Variants in TNFRSF1B observed in about 807,000 individuals in gnomAD.
TNFRSF1B encodes tumor necrosis factor receptor superfamily member 1B.
In TNFRSF1B, 19 loss-of-function variants were observed where a neutral mutation model predicts 44.6. The observed-to-expected ratio is 0.43, with a 90% CI of 0.30 to 0.62. The LOEUF (loss-of-function observed/expected upper bound fraction) is 0.62. TNFRSF1B is among the 20% of genes least tolerant of loss of function. TNFRSF1B has a pLI of 0.16. For missense variants in TNFRSF1B, 541 were observed against 619.9 expected (o/e 0.87, Z 1.35); for synonymous variants, 252 against 261.1 (o/e 0.97, Z 0.34).
intron 9 of TNFRSF1B, among the ~76,000 whole-genome samples, chr1:12,203,989 C>T (rs976363977): frequency 6.6e-6 from 1 of 152,212 alleles, no homozygotes; most frequent in African/African-American, 2.4e-5. Context: ...CTCGGCCTCC[C>T]GAAGGGCTGG....
intron 1 of TNFRSF1B, among the ~76,000 whole-genome samples, chr1:12,182,457 A>G (rs185653728): frequency 7.2e-5 from 11 of 152,292 alleles, no homozygotes; most frequent in East Asian, 3.9e-4. Context: ...TTGAACGTGC[A>G]TGTGTCTCCC....
chr1:12,176,326 G>A (rs1012315086), intron 1 of TNFRSF1B, among the ~76,000 whole-genome samples: 8 of 152,258 alleles, frequency 5.3e-5, no homozygotes, highest in African/African-American at 1.9e-4. Flanking sequence ...AGTGACAGCA[G>A]CACACGAGGC....
chr1:12,167,068 G>C lies in TNFRSF1B; in HGVS notation c.-24G>C. ...AGGGCGCGAGGGCGCGAGGGCAGGG[G>C]GCAACCGGACCCCGCCCGCACCCAT... On this transcript the variant is annotated 5_prime_UTR_variant, in exon 1 of 10. Coordinates refer to ENST00000376259, the MANE Select transcript of TNFRSF1B (RefSeq NM_001066.3). 7.8e-7 allele frequency: 1 copy of C among 1,290,060 alleles called. No individual in the cohort carries two copies. The allele number at this position is 1,290,060 out of a possible 1,614,324, so 79.9% of individuals were successfully genotyped here.
Position 12,186,124 on chromosome 1 carries a change from G to A in TNFRSF1B, c.79-2672G>A, listed in dbSNP as rs17883216. On this transcript the variant is annotated intron_variant, in intron 1 of 9. Coordinates refer to ENST00000376259, the MANE Select transcript of TNFRSF1B (RefSeq NM_001066.3). This position sits in a 1 kb window ranked among gnomAD's most constrained non-coding sequence, Gnocchi z 4.8. ...GTGGCAGATTGCTCCATGGCAGGAA[G>A]CCCCAGCTCCTCTGGGTCGTTCCCG... 5.6e-4 allele frequency among the ~76,000 whole-genome samples: 85 copies of A among 152,328 alleles called. No individual in the cohort carries two copies. The highest frequency in any genetic ancestry group is 1.9e-3 in the Admixed American group (29 of 15,312).
At chr1:12,188,384 G>C (rs564745745) in intron 1 of TNFRSF1B, among the ~76,000 whole-genome samples, 1 of 152,262 alleles carries the variant, frequency 6.6e-6, no homozygotes, top group East Asian at 1.9e-4. Context: ...CACTCATCTT[G>C]AAAGACAAAG....
At chr1:12,167,909 T>C (rs1638432126) in intron 1 of TNFRSF1B, among the ~76,000 whole-genome samples, 1 of 152,148 alleles carries the variant, frequency 6.6e-6, no homozygotes, top group Admixed American at 6.5e-5. Context: ...AGGGCTCCTA[T>C]TCAATATGAA....
At chr1:12,194,841 G>C (rs999859906) in intron 8 of TNFRSF1B, among the ~76,000 whole-genome samples, 1 of 152,234 alleles carries the variant, frequency 6.6e-6, no homozygotes, top group East Asian at 1.9e-4. Flanking sequence ...TGCCTTCGTG[G>C]CGTTCGTGGC....
rs1205673921 is a variant in TNFRSF1B, at chr1:12,207,331, C to T, written c.*311C>T. On this transcript the variant is annotated 3_prime_UTR_variant, in exon 10 of 10. Transcript: ENST00000376259. ...GACCTGCCCCGCCCAGCTGCACCTG[C>T]CAGCCTGGCTTCTGGAGCCCTTGGG... 1.7e-5 allele frequency: 6 copies of T among 348,952 alleles called. No homozygotes were observed. The highest frequency in any genetic ancestry group is 2.6e-5 in the Non-Finnish European group (5 of 194,698). The allele number at this position is 348,952 out of a possible 1,614,324, so 21.6% of individuals were successfully genotyped here. A position where few individuals can be genotyped will look rare whatever the true frequency, so the allele number is the denominator to read the frequency against.
chr1:12,194,435 G>T, intron 7 of TNFRSF1B, 149 bp from the exon 8 acceptor site: 1 of 758,606 alleles, frequency 1.3e-6, no homozygotes, highest in East Asian at 2.6e-5. Flanking sequence ...AGTTGGGTGG[G>T]GGCTTCTGTG....
chr1:12,184,984 C>T (rs1355192879), intron 1 of TNFRSF1B, among the ~76,000 whole-genome samples: 5 of 152,112 alleles, frequency 3.3e-5, no homozygotes, highest in African/African-American at 7.2e-5. Context: ...TCTGGGAGGC[C>T]GTTCGGTCGG....
At chr1:12,204,159 G>C (rs1291514728) in intron 9 of TNFRSF1B, among the ~76,000 whole-genome samples, 3 of 151,834 alleles carry the variant, frequency 2.0e-5, no homozygotes, top group Admixed American at 6.6e-5. Flanking sequence ...GAGTCCCCCA[G>C]CCCGTGTCCC....
intron 1 of TNFRSF1B, among the ~76,000 whole-genome samples, chr1:12,183,687 T>A (rs1004928864): frequency 2.4e-5 from 3 of 127,140 alleles, no homozygotes; most frequent in Non-Finnish European, 5.4e-5. Flanking sequence ...TATCTATCTA[T>A]CTATCTATCT....
At chr1:12,184,021 C>T (rs959038039) in intron 1 of TNFRSF1B, among the ~76,000 whole-genome samples, 1 of 152,236 alleles carries the variant, frequency 6.6e-6, no homozygotes, top group South Asian at 2.1e-4. Context: ...AACACGCTGA[C>T]TGAATCAAGT....
rs757650639 is a variant in TNFRSF1B at position 12,178,252 on chromosome 1, C to T, written c.79-10544C>T. On this transcript the variant is annotated intron_variant, in intron 1 of 9. Transcript: ENST00000376259. The surrounding 1 kb of genome is among the most constrained non-coding windows in gnomAD (Gnocchi z 4.3). ...GTTGAGCAATTCGGCATCGATGAGA[C>T]GCCAGCTGTGGGCTGTGTGCTGGCT... Among the ~76,000 whole-genome samples, 43 of 152,200 alleles carry T rather than the reference C, an allele frequency of 2.8e-4. No homozygotes were observed. Among genetic ancestry groups the T allele is most frequent in the African/African-American group, 8.7e-4 (36 of 41,436 alleles).
intron 1 of TNFRSF1B, among the ~76,000 whole-genome samples, chr1:12,183,446 TTCTCTCTCTC>T (rs33995912): frequency 6.8e-5 from 10 of 147,348 alleles, no homozygotes; most frequent in South Asian, 2.2e-4. Context: ...CTTTTATCTA[TTCTCTCTCTC>T]TCTCTCTCTC....
At chr1:12,179,461 G>A (rs1404916769) in intron 1 of TNFRSF1B, among the ~76,000 whole-genome samples, 2 of 152,232 alleles carry the variant, frequency 1.3e-5, no homozygotes, top group South Asian at 4.1e-4. Flanking sequence ...CCATGCAAAT[G>A]ACGTGGTTTC....
intron 2 of TNFRSF1B, 110 bp from the exon 3 acceptor site, chr1:12,190,847 A>G: frequency 1.5e-6 from 2 of 1,334,184 alleles, no homozygotes; most frequent in South Asian, 1.4e-5. Flanking sequence ...TCCACAGAAT[A>G]GCCTTCCCAG....
intron 9 of TNFRSF1B, among the ~76,000 whole-genome samples, chr1:12,203,586 A>T (rs1329740805): frequency 6.6e-6 from 1 of 152,108 alleles, no homozygotes; most frequent in Admixed American, 6.5e-5. Context: ...CCCTCACTCC[A>T]TCCTGAGAAC....
In TNFRSF1B at chr1:12,206,943, C is replaced by G; in HGVS notation, c.1309C>G (p.Pro437Ala). The G allele has an allele frequency of 6.2e-7, 1 of 1,614,020 alleles. No individual in the cohort carries two copies. The highest frequency in any genetic ancestry group is 1.1e-5 in the South Asian group (1 of 91,086). The change falls in exon 10 of 10, where the codon CCA (proline) becomes GCA (alanine). Residue 437 changes from proline to alanine, a missense_variant. By Grantham distance (27) the Pro-to-Ala change is conservative. Coordinates refer to ENST00000376259, the MANE Select transcript of TNFRSF1B (RefSeq NM_001066.3). ...TGCCTTTCGGTCACAGCTGGAGACG[C>G]CAGAGACCCTGCTGGGGAGCACCGA... Reference protein sequence around the residue: ...ECAFRSQLETPETLLGSTEEK... With the variant: ...ECAFRSQLETAETLLGSTEEK...
Sources: gnomAD v4.1 joint callset for allele counts (sites outside exome capture counted in the v4.1 genomes callset) on GRCh38, gnomAD v4.1.1 for gene constraint, Gnocchi (gnomAD v3.1) non-coding constraint, MANE v1.5 for transcripts, NCBI Gene and HGNC (gene_info 2026-07-23, HGNC 2026-07-21) for gene names.